The following BCL2 variants were observed in gnomAD, a reference collection of about 807,000 sequenced individuals.
BCL2 encodes the protein BCL2 apoptosis regulator, also known as apoptosis regulator Bcl-2.
Under a neutral mutation model 14.2 loss-of-function variants are expected in BCL2, and 1 was observed. The observed-to-expected ratio is 0.07, with a 90% CI of 0.02 to 0.33. The LOEUF (loss-of-function observed/expected upper bound fraction) is 0.33. BCL2 is among the 10% of genes least tolerant of loss of function. BCL2 has a pLI of 0.99. For missense variants in BCL2, 247 were observed against 305.9 expected (o/e 0.81, Z 1.44); for synonymous variants, 151 against 137.2 (o/e 1.10, Z -0.70).
rs975511813 is a variant in BCL2 at position 63,149,736 on chromosome 18, G to A, written c.586-20977C>T. Among the ~76,000 whole-genome samples the A allele has an allele frequency of 6.6e-6, 1 of 152,154 alleles. No individual in the cohort carries two copies. The highest frequency in any genetic ancestry group is 1.5e-5 in the Non-Finnish European group (1 of 68,026). On this transcript the variant is annotated intron_variant, in intron 2 of 2. Transcript: ENST00000333681. The surrounding 1 kb of genome is among the most constrained non-coding windows in gnomAD (Gnocchi z 4.2). Reference sequence around the variant, plus strand: ...ATGATTAACAGTGAAGAAGAGAGGAGATGTCACTAATAATATTGATTTTTA... The same window carrying A: ...ATGATTAACAGTGAAGAAGAGAGGAAATGTCACTAATAATATTGATTTTTA...
chr18:63,144,929 G>A (rs1322662988), intron 2 of BCL2, among the ~76,000 whole-genome samples: 1 of 152,220 alleles, frequency 6.6e-6, no homozygotes, highest in Admixed American at 6.5e-5. Flanking sequence ...GAACGTGTGC[G>A]GCACACTCTG....
At chr18:63,173,475 C>T (rs1915276485) in intron 2 of BCL2, among the ~76,000 whole-genome samples, 1 of 152,170 alleles carries the variant, frequency 6.6e-6, no homozygotes, top group South Asian at 2.1e-4. Context: ...AAATAAATGA[C>T]ATGTATAAAA....
chr18:63,190,651 C>T (rs1909266128), intron 2 of BCL2, among the ~76,000 whole-genome samples: 1 of 152,222 alleles, frequency 6.6e-6, no homozygotes, highest in Non-Finnish European at 1.5e-5. Flanking sequence ...CCCTAGAAAC[C>T]ATGGGCCTGC....
At chr18:63,284,583 C>G (rs939858495) in intron 2 of BCL2, among the ~76,000 whole-genome samples, 1 of 152,222 alleles carries the variant, frequency 6.6e-6, no homozygotes, top group Non-Finnish European at 1.5e-5. Context: ...TGTGGCAATG[C>G]TTAAGCAGCT....
At position 63,296,306 on chromosome 18, in the gene BCL2, C is replaced by T. The variant is rs370790864; in HGVS notation, c.585+21776G>A. On this transcript the variant is annotated intron_variant, in intron 2 of 2. Coordinates refer to ENST00000333681, the MANE Select transcript of BCL2 (RefSeq NM_000633.3). ...GGCAAGAGTTAGAAACTACTGAAGT[C>T]CTTTTTTTTGAGACAAGGTCTCACT... 1.1e-4 allele frequency among the ~76,000 whole-genome samples: 17 copies of T among 152,170 alleles called. No homozygotes were observed. The East Asian group carries it at 1.4e-3, about 12-fold the overall frequency.
At chr18:63,172,041 T>G (rs1915233994) in intron 2 of BCL2, among the ~76,000 whole-genome samples, 1 of 152,188 alleles carries the variant, frequency 6.6e-6, no homozygotes, top group Admixed American at 6.5e-5. Flanking sequence ...AATACATTTG[T>G]TATATATCAG....
At chr18:63,173,233 CA>C (rs1915269941) in intron 2 of BCL2, among the ~76,000 whole-genome samples, 1 of 152,126 alleles carries the variant, frequency 6.6e-6, no homozygotes, top group African/African-American at 2.4e-5. Context: ...AAGTTGTGAT[CA>C]ATTCTCCTTT....
chr18:63,263,118 G>C (rs1039885023), intron 2 of BCL2, among the ~76,000 whole-genome samples: 2 of 152,210 alleles, frequency 1.3e-5, no homozygotes, highest in African/African-American at 4.8e-5. Flanking sequence ...CTCAGCCTAG[G>C]GGGCAGCGAG....
chr18:63,262,952 T>C lies in BCL2; in HGVS notation c.585+55130A>G, dbSNP rs146767609. Reference sequence around the variant, plus strand: ...GATCCAATATCCACAAAGCCAGAATTCTCCTACTGCACATTTTGTTTCCAA... The same window carrying C: ...GATCCAATATCCACAAAGCCAGAATCCTCCTACTGCACATTTTGTTTCCAA... On this transcript the variant is annotated intron_variant, in intron 2 of 2. Coordinates refer to ENST00000333681, the MANE Select transcript of BCL2 (RefSeq NM_000633.3). Among the ~76,000 whole-genome samples, 210 of 152,242 alleles carry C rather than the reference T, an allele frequency of 1.4e-3. 1 individual carries two copies. The highest frequency in any genetic ancestry group is 2.1e-3 in the Non-Finnish European group (142 of 68,006).
Position 63,126,929 on chromosome 18 carries a change from T to G in BCL2, c.*1696A>C. On this transcript the variant is annotated 3_prime_UTR_variant, in exon 3 of 3. Coordinates refer to ENST00000333681, the MANE Select transcript of BCL2 (RefSeq NM_000633.3). The stretch of plus-strand genomic sequence containing the variant: ...GCAATAATGCCACAGAGTTATTCCA[T>G]CAATGTTTCAAGGCTGATTCTAAAC... 1 of 227,076 alleles carries G rather than the reference T, an allele frequency of 4.4e-6. No homozygotes were observed. Among genetic ancestry groups the G allele is most frequent in the East Asian group, 6.4e-5 (1 of 15,706 alleles). The allele number at this position is 227,076 out of a possible 1,614,324, so 14.1% of individuals were successfully genotyped here. A position where few individuals can be genotyped will look rare whatever the true frequency, so the allele number is the denominator to read the frequency against.
upstream of BCL2, chr18:63,319,921 T>TG (rs1184577655): frequency 1.2e-5 from 2 of 167,600 alleles, no homozygotes; most frequent in African/African-American, 2.4e-5. Flanking sequence ...CTCCTCCTCC[T>TG]GGTCCTGCGC....
chr18:63,302,309 A>C, intron 2 of BCL2: 1 of 981,408 alleles, frequency 1.0e-6, no homozygotes, highest in East Asian at 1.1e-4. Context: ...CTCAAAAAAA[A>C]AAAAAAGAGA....
chr18:63,224,079 G>A (rs2144165677), intron 2 of BCL2, among the ~76,000 whole-genome samples: 1 of 152,264 alleles, frequency 6.6e-6, no homozygotes, highest in South Asian at 2.1e-4. Flanking sequence ...TAGATGAAAA[G>A]AGGAAACTTA....
At chr18:63,307,096 CA>C (rs4987715) in intron 2 of BCL2, among the ~76,000 whole-genome samples, 1 of 151,830 alleles carries the variant, frequency 6.6e-6, no homozygotes, top group Non-Finnish European at 1.5e-5. Flanking sequence ...TGACTGAGTG[CA>C]AAAAAACAAT....
intron 2 of BCL2, among the ~76,000 whole-genome samples, chr18:63,261,329 A>C (rs1319727774): frequency 6.6e-6 from 1 of 152,164 alleles, no homozygotes; most frequent in Non-Finnish European, 1.5e-5. Flanking sequence ...GGAAGAAACC[A>C]TCAGCATCCT....
chr18:63,257,105 T>C (rs1911501712), intron 2 of BCL2, among the ~76,000 whole-genome samples: 1 of 152,232 alleles, frequency 6.6e-6, no homozygotes, highest in African/African-American at 2.4e-5. Flanking sequence ...GATTTATTAA[T>C]ATCCCATTCT....
chr18:63,156,485 T>C (rs780811272), intron 2 of BCL2, among the ~76,000 whole-genome samples: 5 of 152,132 alleles, frequency 3.3e-5, no homozygotes, highest in Non-Finnish European at 7.4e-5. Context: ...AAATGTCCCC[T>C]GGAAGGCAAA....
chr18:63,314,864 G>C (rs953433389), intron 2 of BCL2: 1 of 152,102 alleles, frequency 6.6e-6, no homozygotes, highest in Non-Finnish European at 1.5e-5. Flanking sequence ...TAACTACTAC[G>C]AAAAATATTC....
At chr18:63,198,242 A>ACAGAGACACACACACAGACACACAC (rs1909506976) in intron 2 of BCL2, among the ~76,000 whole-genome samples, 4 of 150,094 alleles carry the variant, frequency 2.7e-5, no homozygotes, top group South Asian at 2.1e-4. Context: ...ACACACTGAC[A>ACAGAGACACACACACAGACACACAC]TAGAGACACA....
Sources: allele counts gnomAD v4.1 joint callset (sites outside exome capture counted in the v4.1 genomes callset), GRCh38; gene constraint gnomAD v4.1.1; non-coding constraint Gnocchi (gnomAD v3.1); transcripts MANE v1.5; gene names NCBI Gene and HGNC (gene_info 2026-07-23, HGNC 2026-07-21).